Variants in PDIA5 observed in about 807,000 individuals in gnomAD.
The protein encoded by PDIA5 is protein disulfide isomerase family A member 5, also known as protein disulfide-isomerase A5.
Under a neutral mutation model 77.6 loss-of-function variants are expected in PDIA5, and 58 were observed. That is an observed-to-expected ratio of 0.75 (90% CI 0.61 to 0.93). The LOEUF (loss-of-function observed/expected upper bound fraction) is 0.93, where lower values mean the gene tolerates loss of function less well. Among genes scored for constraint, PDIA5 ranks in the 40% least tolerant of loss-of-function variants. PDIA5 has a pLI of 0.00. For missense variants in PDIA5, 630 were observed against 647.7 expected (o/e 0.97, Z 0.30); for synonymous variants, 250 against 252.1 (o/e 0.99, Z 0.08).
chr3:123,136,749 A>AAAAAG (rs1560545915), intron 11 of PDIA5, among the ~76,000 whole-genome samples: 21 of 127,080 alleles, frequency 1.7e-4, no homozygotes, highest in African/African-American at 4.8e-4. Flanking sequence ...AAAAAAAAAA[A>AAAAAG]GGGGGTTGGG....
At chr3:123,144,721 G>A (rs1171149426) in intron 11 of PDIA5, 1 of 151,954 alleles carries the variant, frequency 6.6e-6, no homozygotes, top group African/African-American at 2.4e-5. Flanking sequence ...CATCTCTATT[G>A]AAAAAGTACA....
At chr3:123,149,643 A>G (rs1411495297) in intron 13 of PDIA5, among the ~76,000 whole-genome samples, 1 of 152,120 alleles carries the variant, frequency 6.6e-6, no homozygotes, top group Non-Finnish European at 1.5e-5. Flanking sequence ...AGTAAATATT[A>G]GTTCCTTGAC....
chr3:123,147,759 C>G (rs1214090684), intron 13 of PDIA5, among the ~76,000 whole-genome samples: 1 of 152,224 alleles, frequency 6.6e-6, no homozygotes. Context: ...GCTTACCCCT[C>G]AAGGCCTTCT....
chr3:123,099,522 C>T (rs183073196), intron 3 of PDIA5, among the ~76,000 whole-genome samples: 122 of 152,302 alleles, frequency 8.0e-4, no homozygotes, highest in African/African-American at 2.9e-3. Flanking sequence ...AGGAATGTTA[C>T]ATAACCTAAC....
At chr3:123,147,930 CATCACTA>C (rs1385206524) in intron 13 of PDIA5, among the ~76,000 whole-genome samples, 1 of 152,162 alleles carries the variant, frequency 6.6e-6, no homozygotes, top group Non-Finnish European at 1.5e-5. Context: ...GAGTGTCGAT[CATCACTA>C]ATCAGTGCTC....
intron 12 of PDIA5, 61 bp from the exon 13 acceptor site, chr3:123,146,038 T>G (rs1325880461): frequency 2.0e-6 from 3 of 1,528,186 alleles, no homozygotes. Context: ...TCTGGGCTCC[T>G]GTGTTCCACC....
chr3:123,119,054 C>G (rs912888643), intron 8 of PDIA5, among the ~76,000 whole-genome samples: 3 of 152,040 alleles, frequency 2.0e-5, no homozygotes, highest in African/African-American at 4.8e-5. Context: ...AGCTAGATAC[C>G]AGCCTGGGCA....
At position 123,145,614 on chromosome 3, in the gene PDIA5, C is replaced by A. The variant is rs766778063; in HGVS notation, c.981+22C>A. 32 of 1,574,868 alleles carry A rather than the reference C, an allele frequency of 2.0e-5. No homozygotes were observed. The South Asian group carries it at 3.4e-4, about 17-fold the overall frequency. ...GGATGTAAGCTTCCTTTCCTTCCCCCTCACCGTTCTCTTTGAAAGAATCAC... is the reference window on the plus strand; with the variant it reads ...GGATGTAAGCTTCCTTTCCTTCCCCATCACCGTTCTCTTTGAAAGAATCAC... On this transcript the variant is annotated intron_variant, in intron 12 of 16. Transcript: ENST00000316218.
chr3:123,147,542 G>A (rs2107983923), intron 13 of PDIA5, among the ~76,000 whole-genome samples: 1 of 152,256 alleles, frequency 6.6e-6, no homozygotes. Flanking sequence ...GGTGTTCTAA[G>A]CAACACCAGC....
intron 15 of PDIA5, among the ~76,000 whole-genome samples, chr3:123,158,021 G>A (rs762375526): frequency 5.9e-5 from 9 of 152,210 alleles, no homozygotes; most frequent in Non-Finnish European, 2.9e-5. Flanking sequence ...CTGGAATCTG[G>A]CCATGACATG....
At chr3:123,113,104 A>G (rs1934904372) in intron 7 of PDIA5, among the ~76,000 whole-genome samples, 1 of 152,112 alleles carries the variant, frequency 6.6e-6, no homozygotes, top group African/African-American at 2.4e-5. Context: ...CCCAGCTGTG[A>G]ATTGCTTTAG....
intron 3 of PDIA5, among the ~76,000 whole-genome samples, chr3:123,098,340 G>A (rs1035250677): frequency 3.0e-4 from 46 of 151,176 alleles, no homozygotes; most frequent in African/African-American, 9.5e-4. Flanking sequence ...CGACCCCGCC[G>A]TCTCCCAGAC....
At chr3:123,072,344 C>A (rs80033944) in intron 1 of PDIA5, among the ~76,000 whole-genome samples, 4,889 of 152,240 alleles carry the variant, frequency 0.032, 281 homozygotes, top group African/African-American at 0.11. Context: ...AGAAAAAATA[C>A]AGGAAGCACC....
In PDIA5 at chr3:123,146,225, A is replaced by G; in HGVS notation, c.1108A>G (p.Arg370Gly). Reference protein sequence around the residue: ...NGEKYAVPVLRTKKKFLEWMQ... With the variant: ...NGEKYAVPVLGTKKKFLEWMQ... Reference sequence around the variant, plus strand: ...AGAGAAATACGCAGTGCCTGTGCTCAGGACAAAGAAGAAGTTTCTCGAGTG... The same window carrying G: ...AGAGAAATACGCAGTGCCTGTGCTCGGGACAAAGAAGAAGTTTCTCGAGTG... Residue 370 changes from arginine to glycine, a missense_variant, in exon 13 of 17, where the codon AGG becomes GGG. By Grantham distance (125) the Arg-to-Gly change is moderately radical (BLOSUM62 -2). Transcript: ENST00000316218. 1.2e-6 allele frequency: 2 copies of G among 1,614,124 alleles called. No homozygotes were observed. Among genetic ancestry groups the G allele is most frequent in the South Asian group, 2.2e-5 (2 of 91,056 alleles).
At chr3:123,120,399 G>T (rs113750784) in intron 8 of PDIA5, among the ~76,000 whole-genome samples, 7 of 152,314 alleles carry the variant, frequency 4.6e-5, no homozygotes, top group African/African-American at 1.7e-4. Context: ...AATGGGCTGT[G>T]TGGAAGAAGC....
At chr3:123,140,302 G>A (rs1202772725) in intron 11 of PDIA5, among the ~76,000 whole-genome samples, 2 of 152,286 alleles carry the variant, frequency 1.3e-5, no homozygotes, top group African/African-American at 4.8e-5. Flanking sequence ...GCCATAATAA[G>A]TTTGGATTTG....
At chr3:123,102,516 CA>C in intron 4 of PDIA5, 22 bp downstream of exon 4, 1 of 1,575,840 alleles carries the variant, frequency 6.3e-7, no homozygotes, top group East Asian at 2.2e-5. Flanking sequence ...TGGGCATTTC[CA>C]ATTTCCAAGT....
At chr3:123,108,991 C>T (rs1934804941) in intron 6 of PDIA5, among the ~76,000 whole-genome samples, 1 of 152,188 alleles carries the variant, frequency 6.6e-6, no homozygotes, top group Admixed American at 6.5e-5. Flanking sequence ...AGTGCTGCTC[C>T]TGTAATGATG....
At chr3:123,069,123 C>A (rs1485801596) in intron 1 of PDIA5, among the ~76,000 whole-genome samples, 5 of 152,142 alleles carry the variant, frequency 3.3e-5, no homozygotes, top group African/African-American at 1.2e-4. Flanking sequence ...AGGGAGCATG[C>A]CAACAGGAGC....
Sources: allele counts gnomAD v4.1 joint callset (sites outside exome capture counted in the v4.1 genomes callset), GRCh38; gene constraint gnomAD v4.1.1; transcripts MANE v1.5; gene names NCBI Gene and HGNC (gene_info 2026-07-23, HGNC 2026-07-21).